Variants in CMYA5 observed in about 807,000 individuals in gnomAD.
The protein encoded by CMYA5 is cardiomyopathy-associated protein 5.
Under a neutral mutation model 318.9 loss-of-function variants are expected in CMYA5, and 246 were observed. The observed-to-expected ratio is 0.77, with a 90% CI of 0.70 to 0.86. The LOEUF is 0.86. Ranked by LOEUF, CMYA5 falls within the 40% of genes least tolerant of loss-of-function variation. The pLI, the probability that CMYA5 is intolerant of heterozygous loss-of-function variation, is 0.00. For synonymous variants in CMYA5, 1,641 were observed against 1,729.5 expected (o/e 0.95, Z 1.27); for missense variants, 4,589 against 4,678.2 (o/e 0.98, Z 0.56).
chr5:79,723,443 G>GAA (rs35720490), intron 1 of CMYA5, among the ~76,000 whole-genome samples: 1,655 of 121,504 alleles, frequency 0.014, 37 homozygotes, highest in South Asian at 0.044. Context: ...CATCTCAAAG[G>GAA]AAAAAAAAAA....
Position 79,737,153 on chromosome 5 carries a change from T to C in CMYA5, c.8388T>C (p.Ala2796=). 1 of 1,612,994 alleles carries C rather than the reference T, an allele frequency of 6.2e-7. No homozygotes were observed. The highest frequency in any genetic ancestry group is 8.5e-7 in the Non-Finnish European group (1 of 1,179,616). ...FPSKESERTL[A]RPFDETKSSE... ...CTAAAGAATCCGAAAGGACTTTAGC[T>C]CGTCCTTTTGATGAAACTAAGAGCT... The change falls in exon 2 of 13, where the codon GCT becomes GCC. Residue 2796 remains alanine (A), a synonymous_variant. Coordinates refer to ENST00000446378, the MANE Select transcript of CMYA5 (RefSeq NM_153610.5).
chr5:79,748,426 A>G (rs1026824055), intron 5 of CMYA5, among the ~76,000 whole-genome samples: 1 of 152,172 alleles, frequency 6.6e-6, no homozygotes, highest in African/African-American at 2.4e-5. Flanking sequence ...CTTGTTACCA[A>G]TTCTCACAGA....
chr5:79,798,001 G>A (rs1173820630), intron 12 of CMYA5, among the ~76,000 whole-genome samples: 1 of 152,092 alleles, frequency 6.6e-6, no homozygotes, highest in African/African-American at 2.4e-5. Flanking sequence ...ATTGCTACCT[G>A]AAACGTTTAG....
chr5:79,797,831 T>G (rs1352866057), intron 12 of CMYA5, among the ~76,000 whole-genome samples: 1 of 152,196 alleles, frequency 6.6e-6, no homozygotes, highest in Non-Finnish European at 1.5e-5. Context: ...ACATACGGAC[T>G]TCTTCAGCCA....
At chr5:79,714,308 T>A (rs1193594284) in intron 1 of CMYA5, among the ~76,000 whole-genome samples, 1 of 152,148 alleles carries the variant, frequency 6.6e-6, no homozygotes, top group Non-Finnish European at 1.5e-5. Flanking sequence ...CATCAGTCTG[T>A]CATACTCTGT....
rs1002712820 is a variant in CMYA5, at chr5:79,735,070, T to C, written c.6305T>C (p.Leu2102Ser). The C allele has an allele frequency of 3.1e-6, 5 of 1,613,686 alleles. No homozygotes were observed. The African/African-American group carries it at 6.7e-5, about 22-fold the overall frequency. The change falls in exon 2 of 13, where the codon TTG (leucine) becomes TCG (serine). Residue 2102 changes from leucine (L) to serine (S), a missense_variant. This residue lies in a region of CMYA5 where 2,431 missense variants were observed against 2,495.1 expected (regional missense o/e 0.97). Coordinates refer to ENST00000446378, the MANE Select transcript of CMYA5 (RefSeq NM_153610.5). Reference sequence around the variant, plus strand: ...CCTCCTTTTCCTGAAGAGAAGCCATTGGAAGAATCAAAAATGGTTCAGTCA... The same window carrying C: ...CCTCCTTTTCCTGAAGAGAAGCCATCGGAAGAATCAAAAATGGTTCAGTCA... ...STPPFPEEKP[L>S]EESKMVQSKV...
In CMYA5 at chr5:79,729,411, G is replaced by T. The variant is rs1277566840; in HGVS notation, c.646G>T (p.Val216Leu). ...AATATACAAAGAACACAAGCCATTA[G>T]TGTTAAGACCAGTCTACATAGGAAC... ...GAIYKEHKPL[V>L]LRPVYIGTVQ... Residue 216 changes from valine (V) to leucine (L), a missense_variant, in exon 2 of 13, where the codon GTG becomes TTG. Coordinates refer to ENST00000446378, the MANE Select transcript of CMYA5 (RefSeq NM_153610.5). 1 of 1,613,852 alleles carries T rather than the reference G, an allele frequency of 6.2e-7. No homozygotes were observed. The highest frequency in any genetic ancestry group is 1.7e-5 in the Admixed American group (1 of 60,012).
intron 1 of CMYA5, among the ~76,000 whole-genome samples, chr5:79,691,541 C>A (rs4704573): frequency 6.6e-6 from 1 of 151,976 alleles, no homozygotes; most frequent in Non-Finnish European, 1.5e-5. Flanking sequence ...AGGTGGACAC[C>A]AGGGAAAGAG....
intron 11 of CMYA5, among the ~76,000 whole-genome samples, chr5:79,791,747 A>G (rs1183574948): frequency 6.6e-6 from 1 of 151,358 alleles, no homozygotes; most frequent in African/African-American, 2.4e-5. Flanking sequence ...ATAGAAGAGA[A>G]GGACAGTTTA....
intron 12 of CMYA5, 110 bp from the exon 13 acceptor site, chr5:79,799,260 A>G (rs1272447395): frequency 1.8e-6 from 2 of 1,110,156 alleles, no homozygotes; most frequent in South Asian, 1.7e-5. Context: ...GCAACTCCTT[A>G]TTGTGAAGTG....
intron 12 of CMYA5, among the ~76,000 whole-genome samples, chr5:79,794,458 G>C (rs1225095282): frequency 6.6e-6 from 1 of 152,192 alleles, no homozygotes; most frequent in Non-Finnish European, 1.5e-5. Flanking sequence ...TTAATAGAAA[G>C]AACACTGGAC....
At position 79,731,559 on chromosome 5, in the gene CMYA5, A is replaced by C; in HGVS notation, c.2794A>C (p.Met932Leu). 6.2e-7 allele frequency: 1 copy of C among 1,609,942 alleles called. No homozygotes were observed. The highest frequency in any genetic ancestry group is 8.5e-7 in the Non-Finnish European group (1 of 1,178,028). ...AAATCTAAAAGGTGCATCCTCACCC[A>C]TGAATTTATCAGAAGAAGATCAAGA... ...SLNLKGASSPMNLSEEDQEDI... is the reference protein window; with the variant it reads ...SLNLKGASSPLNLSEEDQEDI... Residue 932 changes from methionine to leucine, a missense_variant, in exon 2 of 13, where the codon ATG (methionine) becomes CTG (leucine). Physicochemically the swap from Met to Leu is conservative, Grantham distance 15. Transcript: ENST00000446378.
intron 1 of CMYA5, among the ~76,000 whole-genome samples, chr5:79,714,099 T>C (rs1426470803): frequency 2.0e-5 from 3 of 152,200 alleles, no homozygotes; most frequent in Admixed American, 6.5e-5. Flanking sequence ...ATCTGCATAA[T>C]ACTAACATAT....
At chr5:79,728,004 T>C (rs1320890480) in intron 1 of CMYA5, among the ~76,000 whole-genome samples, 1 of 152,190 alleles carries the variant, frequency 6.6e-6, no homozygotes, top group Non-Finnish European at 1.5e-5. Flanking sequence ...GAGCACTAAC[T>C]ACATGCCAGG....
Position 79,734,030 on chromosome 5 carries a change from T to C in CMYA5, c.5265T>C (p.Val1755=), listed in dbSNP as rs776278503. Residue 1755 remains valine (V), a synonymous_variant, in exon 2 of 13, where the codon GTT becomes GTC. Transcript: ENST00000446378. ...TFSLKGLSEE[V]SHPADFKKGG... is the part of the protein sequence containing the mutation. The stretch of plus-strand genomic sequence containing the variant: ...CTTTAAAAGGATTATCAGAGGAGGT[T>C]AGCCATCCAGCCGACTTTAAAAAGG... 2 of 1,613,804 alleles carry C rather than the reference T, an allele frequency of 1.2e-6. No homozygotes were observed. Among genetic ancestry groups the C allele is most frequent in the South Asian group, 2.2e-5 (2 of 91,074 alleles).
chr5:79,754,153 G>A (rs1828483973), intron 6 of CMYA5, among the ~76,000 whole-genome samples: 3 of 152,202 alleles, frequency 2.0e-5, no homozygotes. Flanking sequence ...TTGTGCGTCT[G>A]TTTCACAAAA....
intron 1 of CMYA5, among the ~76,000 whole-genome samples, chr5:79,713,236 G>A (rs1407948994): frequency 6.6e-6 from 1 of 151,988 alleles, no homozygotes; most frequent in Non-Finnish European, 1.5e-5. Context: ...TGGTGGATGG[G>A]GGCCAGGGAG....
chr5:79,740,085 A>T (rs1828181214), intron 2 of CMYA5, among the ~76,000 whole-genome samples: 1 of 152,232 alleles, frequency 6.6e-6, no homozygotes, highest in African/African-American at 2.4e-5. Flanking sequence ...ATACTGTATC[A>T]GGCATTATAA....
At chr5:79,748,689 C>T (rs755012356) in intron 5 of CMYA5, among the ~76,000 whole-genome samples, 12 of 152,098 alleles carry the variant, frequency 7.9e-5, no homozygotes, top group Non-Finnish European at 1.2e-4. Flanking sequence ...ACCACAGGTG[C>T]GCTCCACCGT....
Sources: gnomAD v4.1 joint callset for allele counts (sites outside exome capture counted in the v4.1 genomes callset) on GRCh38, gnomAD v4.1.1 for gene constraint, gnomAD v4.1.1 regional missense constraint, MANE v1.5 for transcripts, NCBI Gene and HGNC (gene_info 2026-07-23, HGNC 2026-07-21) for gene names.